Variants in KBTBD2 observed in about 807,000 individuals in gnomAD.
The protein encoded by KBTBD2 is kelch repeat and BTB domain-containing protein 2.
KBTBD2 carries 17 observed loss-of-function variants against 57.1 expected under a neutral mutation model. The observed-to-expected ratio is 0.30, with a 90% CI of 0.20 to 0.45. The LOEUF is 0.45. KBTBD2 is among the 20% of genes least tolerant of loss of function. The probability of loss-of-function intolerance (pLI) is 1.00; values close to 1 mark genes in which losing one functional copy is unlikely to be tolerated. For synonymous variants in KBTBD2, 267 were observed against 262.7 expected, an observed-to-expected ratio of 1.02 and a Z score of -0.16; for missense variants, 515 against 750.6, an observed-to-expected ratio of 0.69 and a Z score of 3.67.
At chr7:32,880,767 A>G (rs1206865771) in intron 1 of KBTBD2, among the ~76,000 whole-genome samples, 3 of 152,182 alleles carry the variant, frequency 2.0e-5, no homozygotes, top group African/African-American at 7.2e-5. Context: ...AAAATATTAA[A>G]TGTACTATAA....
intron 1 of KBTBD2, among the ~76,000 whole-genome samples, chr7:32,889,563 T>C (rs1200547699): frequency 2.0e-5 from 3 of 151,820 alleles, no homozygotes; most frequent in Non-Finnish European, 4.4e-5. Context: ...ATCGTGACAC[T>C]GCACACCAGC....
intron 1 of KBTBD2, among the ~76,000 whole-genome samples, 158 bp downstream of exon 1, chr7:32,891,378 G>A (rs1199603628): frequency 2.0e-5 from 3 of 147,858 alleles, no homozygotes; most frequent in Non-Finnish European, 4.5e-5. Context: ...CCCCGCCCGC[G>A]GCGGAAGCGT....
Position 32,870,122 on chromosome 7 carries a change from T to C in KBTBD2, c.1095A>G (p.Pro365=), listed in dbSNP as rs1196808811. ...AQQNTWFPKT[P]MLFVRIKPSL... ...ATGGCTTTATGCGGACAAAAAGCAT[T>C]GGGGTCTTTGGAAACCAGGTATTTT... The change falls in exon 4 of 4, where the codon CCA becomes CCG. Residue 365 remains proline, a synonymous_variant. Coordinates refer to ENST00000304056, the MANE Select transcript of KBTBD2 (RefSeq NM_015483.3). 2.5e-6 allele frequency: 4 copies of C among 1,614,226 alleles called. No individual in the cohort carries two copies. Among genetic ancestry groups the C allele is most frequent in the Non-Finnish European group, 3.4e-6 (4 of 1,180,036 alleles).
At chr7:32,891,299 T>C (rs1227627464) in intron 1 of KBTBD2, 1 of 148,418 alleles carries the variant, frequency 6.7e-6, no homozygotes, top group African/African-American at 2.4e-5. Flanking sequence ...CCCGCGGACC[T>C]GCCCGGAGCT....
At chr7:32,891,151 T>G (rs944519395) in intron 1 of KBTBD2, 4 of 151,900 alleles carry the variant, frequency 2.6e-5, no homozygotes, top group Non-Finnish European at 4.4e-5. Context: ...GTCGCGAGTC[T>G]TTAAGGGAAA....
chr7:32,870,294 A>G lies in KBTBD2; in HGVS notation c.923T>C (p.Val308Ala), dbSNP rs1318514886. The G allele has an allele frequency of 1.2e-6, 2 of 1,614,022 alleles. No homozygotes were observed. Among genetic ancestry groups the G allele is most frequent in the African/African-American group, 1.3e-5 (1 of 74,906 alleles). The change falls in exon 4 of 4, where the codon GTT becomes GCT. Residue 308 changes from valine to alanine, a missense_variant. Val to Ala is a moderately conservative substitution (Grantham distance 64). Transcript: ENST00000304056. The stretch of plus-strand genomic sequence containing the variant: ...ATTATCAGGAGTTACAACGGTCCCA[A>G]CCTTATGCAAATCAGCTGGTGGGCT... The part of the protein sequence containing the change: ...LCSPPADLHK[V>A]GTVVTPDNDI...
intron 1 of KBTBD2, among the ~76,000 whole-genome samples, chr7:32,889,118 C>T (rs1174733090): frequency 2.6e-5 from 4 of 151,858 alleles, no homozygotes; most frequent in Admixed American, 2.0e-4. Flanking sequence ...TCGAGACCAT[C>T]CTGGCTAACA....
In KBTBD2 at chr7:32,879,486, G is replaced by A. The variant is rs144961556; in HGVS notation, c.119C>T (p.Thr40Ile). 6.2e-7 allele frequency: 1 copy of A among 1,613,296 alleles called. No individual in the cohort carries two copies. Among genetic ancestry groups the A allele is most frequent in the Non-Finnish European group, 8.5e-7 (1 of 1,179,428 alleles). The change falls in exon 2 of 4, where the codon ACT (threonine) becomes ATT (isoleucine). Residue 40 changes from threonine (T) to isoleucine (I), a missense_variant. Thr to Ile is a moderately conservative substitution (Grantham distance 89). Coordinates refer to ENST00000304056, the MANE Select transcript of KBTBD2 (RefSeq NM_015483.3). ...AACCATCTTATGACAAGGGAATTCA[G>A]TGCCCTCAACAATTAACACTATGTC... is the stretch of plus-strand genomic sequence containing the variant. The part of the protein sequence containing the change: ...FTDIVLIVEG[T>I]EFPCHKMVLA...
intron 1 of KBTBD2, among the ~76,000 whole-genome samples, chr7:32,883,419 A>T (rs905058399): frequency 6.6e-6 from 1 of 152,156 alleles, no homozygotes; most frequent in African/African-American, 2.4e-5. Context: ...GAAAATTTGC[A>T]AAGTTTAGGA....
At chr7:32,886,806 TAA>T (rs1264386057) in intron 1 of KBTBD2, among the ~76,000 whole-genome samples, 1 of 152,208 alleles carries the variant, frequency 6.6e-6, no homozygotes, top group Non-Finnish European at 1.5e-5. Context: ...TTAATACTCA[TAA>T]AGAGATAAGT....
intron 1 of KBTBD2, among the ~76,000 whole-genome samples, chr7:32,884,254 T>G (rs1784512364): frequency 1.3e-5 from 2 of 152,178 alleles, no homozygotes; most frequent in Non-Finnish European, 2.9e-5. Context: ...GGCTCATGCC[T>G]GTACTCCCAG....
At chr7:32,888,561 AAC>A (rs1307689752) in intron 1 of KBTBD2, among the ~76,000 whole-genome samples, 41 of 152,126 alleles carry the variant, frequency 2.7e-4, no homozygotes, top group Non-Finnish European at 5.7e-4. Context: ...ACCAAAAAAA[AAC>A]AAAAAAACCA....
At position 32,874,976 on chromosome 7, in the gene KBTBD2, AT is replaced by A; in HGVS notation, c.336+15del. 6.2e-7 allele frequency: 1 copy of A among 1,608,360 alleles called. No homozygotes were observed. Among genetic ancestry groups the A allele is most frequent in the Non-Finnish European group, 8.5e-7 (1 of 1,176,154 alleles). On this transcript the variant is annotated intron_variant, in intron 3 of 3. Transcript: ENST00000304056. ...ACAGAGAGAGACTCCGTCTAAAAAA[AT>A]ATATATATGCTTACCTGTAGGAAGC...
intron 1 of KBTBD2, among the ~76,000 whole-genome samples, chr7:32,885,832 C>T (rs1001872866): frequency 6.6e-6 from 1 of 151,812 alleles, no homozygotes. Flanking sequence ...GACTGATTTG[C>T]TTGATCGCAG....
chr7:32,881,556 A>G (rs1784445065), intron 1 of KBTBD2, among the ~76,000 whole-genome samples: 1 of 152,228 alleles, frequency 6.6e-6, no homozygotes, highest in Non-Finnish European at 1.5e-5. Context: ...AGTAACTGCT[A>G]ACTTGATATA....
At chr7:32,884,755 C>T in intron 1 of KBTBD2, among the ~76,000 whole-genome samples, 1 of 151,708 alleles carries the variant, frequency 6.6e-6, no homozygotes, top group Middle Eastern at 3.2e-3. Flanking sequence ...TCTCTCTTCT[C>T]ATAACAAAGA....
chr7:32,877,457 T>C (rs535259847), intron 2 of KBTBD2, among the ~76,000 whole-genome samples: 8 of 152,338 alleles, frequency 5.3e-5, no homozygotes, highest in Admixed American at 5.2e-4. Context: ...AAAACTATTA[T>C]TCAGAGGTAC....
intron 3 of KBTBD2, among the ~76,000 whole-genome samples, chr7:32,872,573 G>C (rs1784208851): frequency 6.6e-6 from 1 of 152,160 alleles, no homozygotes; most frequent in South Asian, 2.1e-4. Flanking sequence ...AGCTACTCAG[G>C]AGGCTAAGGC....
At chr7:32,889,269 C>G (rs1276137631) in intron 1 of KBTBD2, among the ~76,000 whole-genome samples, 4 of 148,854 alleles carry the variant, frequency 2.7e-5, no homozygotes, top group South Asian at 2.1e-4. Flanking sequence ...CCAGCCTGGG[C>G]GACACAGCGA....
Sources: allele counts gnomAD v4.1 joint callset (sites outside exome capture counted in the v4.1 genomes callset), GRCh38; gene constraint gnomAD v4.1.1; transcripts MANE v1.5; gene names NCBI Gene and HGNC (gene_info 2026-07-23, HGNC 2026-07-21).